The following ARMC9 variants were observed in gnomAD, a reference collection of about 807,000 sequenced individuals.
ARMC9 encodes armadillo repeat containing 9.
In ARMC9, 94 loss-of-function variants were observed where a neutral mutation model predicts 107.0. The observed-to-expected ratio is 0.88, with a 90% CI of 0.74 to 1.04. ARMC9 has a LOEUF of 1.04. ARMC9 is among the 50% of genes least tolerant of loss of function. ARMC9 has a pLI of 0.00. For missense variants in ARMC9, 942 were observed against 1,030.1 expected (o/e 0.91, Z 1.17); for synonymous variants, 380 against 396.9 (o/e 0.96, Z 0.51).
At chr2:231,312,110 T>C (rs1451921596) in intron 19 of ARMC9, among the ~76,000 whole-genome samples, 3 of 152,192 alleles carry the variant, frequency 2.0e-5, no homozygotes, top group African/African-American at 7.2e-5. Flanking sequence ...ATTCTGTGGG[T>C]TGGCTTGGCA....
chr2:231,267,284 G>A (rs888003884), intron 12 of ARMC9, among the ~76,000 whole-genome samples: 3 of 152,108 alleles, frequency 2.0e-5, no homozygotes, highest in Non-Finnish European at 2.9e-5. Flanking sequence ...AGGCTGGGGT[G>A]CAGTGGCGTG....
intron 12 of ARMC9, among the ~76,000 whole-genome samples, chr2:231,263,525 A>G (rs2038578888): frequency 6.6e-6 from 1 of 152,250 alleles, no homozygotes; most frequent in Non-Finnish European, 1.5e-5. Context: ...GCATTAATCC[A>G]TTAATGCCTA....
At chr2:231,310,215 G>T (rs1575035642) in intron 19 of ARMC9, among the ~76,000 whole-genome samples, 1 of 151,712 alleles carries the variant, frequency 6.6e-6, no homozygotes, top group African/African-American at 2.4e-5. Flanking sequence ...GGGAGTTCGC[G>T]ACCAGCCTGA....
intron 10 of ARMC9, among the ~76,000 whole-genome samples, chr2:231,257,793 AT>A (rs1209140187): frequency 6.6e-6 from 1 of 152,254 alleles, no homozygotes; most frequent in Non-Finnish European, 1.5e-5. Context: ...TTACACCAAA[AT>A]TAGGAAACTA....
At chr2:231,337,115 C>T (rs1239446048) in intron 20 of ARMC9, among the ~76,000 whole-genome samples, 1 of 151,862 alleles carries the variant, frequency 6.6e-6, no homozygotes, top group Non-Finnish European at 1.5e-5. Context: ...TATTACTTTT[C>T]GGGTTTTTTT....
intron 21 of ARMC9, among the ~76,000 whole-genome samples, chr2:231,352,616 A>G (rs1416887583): frequency 6.6e-6 from 1 of 150,920 alleles, no homozygotes; most frequent in Non-Finnish European, 1.5e-5. Context: ...GAGCCACCGC[A>G]CCCACTGCTA....
chr2:231,294,665 CTG>C (rs1022821470), intron 18 of ARMC9: 2 of 152,778 alleles, frequency 1.3e-5, no homozygotes, highest in African/African-American at 4.8e-5. Context: ...GCTGGGCTGT[CTG>C]TGGCCTTACA....
intron 19 of ARMC9, among the ~76,000 whole-genome samples, chr2:231,325,886 C>T (rs993318811): frequency 6.6e-6 from 1 of 152,140 alleles, no homozygotes; most frequent in Non-Finnish European, 1.5e-5. Context: ...AAGGTGGCTG[C>T]CCTCACCATA....
chr2:231,247,759 C>T (rs567887802), intron 9 of ARMC9, among the ~76,000 whole-genome samples: 62 of 152,192 alleles, frequency 4.1e-4, no homozygotes, highest in African/African-American at 1.2e-3. Flanking sequence ...GACAAAACCC[C>T]GTCTCTACTA....
At chr2:231,310,983 T>C (rs116372882) in intron 19 of ARMC9, among the ~76,000 whole-genome samples, 2,607 of 151,088 alleles carry the variant, frequency 0.017, 74 homozygotes, top group African/African-American at 0.061. Flanking sequence ...AAAAATTAGC[T>C]AAGTGTGCTT....
At chr2:231,218,494 A>G (rs1030274334) in intron 5 of ARMC9, among the ~76,000 whole-genome samples, 5 of 152,212 alleles carry the variant, frequency 3.3e-5, no homozygotes, top group African/African-American at 1.2e-4. Flanking sequence ...GCATAGTGGC[A>G]TAGATAAAGC....
At chr2:231,350,026 TAAA>T (rs200774556) in intron 21 of ARMC9, among the ~76,000 whole-genome samples, 6,926 of 136,866 alleles carry the variant, frequency 0.051, 520 homozygotes, top group African/African-American at 0.17. Context: ...CACAAACATC[TAAA>T]AAAAAAAAAA....
chr2:231,213,910 C>A (rs1021820724), intron 3 of ARMC9, among the ~76,000 whole-genome samples: 1 of 152,226 alleles, frequency 6.6e-6, no homozygotes, highest in African/African-American at 2.4e-5. Flanking sequence ...AATGTAAGTA[C>A]AAATATCTTG....
intron 19 of ARMC9, among the ~76,000 whole-genome samples, chr2:231,310,504 G>T (rs185278363): frequency 4.6e-5 from 7 of 151,192 alleles, no homozygotes; most frequent in African/African-American, 1.7e-4. Context: ...GCCGAGGTGG[G>T]CGGATCACCT....
At chr2:231,347,926 C>T (rs2044879137) in intron 21 of ARMC9, among the ~76,000 whole-genome samples, 1 of 152,122 alleles carries the variant, frequency 6.6e-6, no homozygotes, top group South Asian at 2.1e-4. Context: ...TGGCAACTTC[C>T]TTAAAAAATC....
intron 19 of ARMC9, among the ~76,000 whole-genome samples, chr2:231,330,612 T>G (rs2043664047): frequency 6.6e-6 from 1 of 152,200 alleles, no homozygotes; most frequent in South Asian, 2.1e-4. Flanking sequence ...CCCAGCCTTC[T>G]CTGGTATAGA....
chr2:231,228,103 C>T (rs2034830666), intron 7 of ARMC9, among the ~76,000 whole-genome samples: 1 of 152,182 alleles, frequency 6.6e-6, no homozygotes, highest in Non-Finnish European at 1.5e-5. Context: ...TAGGCCCAGG[C>T]CTGGCCACGG....
chr2:231,371,643 A>C lies in ARMC9; in HGVS notation c.*108A>C. On this transcript the variant is annotated 3_prime_UTR_variant, in exon 25 of 25. Transcript: ENST00000611582. ...ATGTGAAGGGACAGTTGTCCACAAG[A>C]CTCTGGGAGCTGAGGGGAGGCCGGC... The C allele has an allele frequency of 8.9e-7, 1 of 1,118,984 alleles. No homozygotes were observed. The allele number at this position is 1,118,984 out of a possible 1,614,324, so 69.3% of individuals were successfully genotyped here.
intron 9 of ARMC9, among the ~76,000 whole-genome samples, chr2:231,240,972 G>T (rs952277547): frequency 2.0e-5 from 3 of 152,106 alleles, no homozygotes; most frequent in African/African-American, 7.2e-5. Context: ...GGCCAAGGCG[G>T]GTGGATCACG....
Sources: allele counts gnomAD v4.1 joint callset (sites outside exome capture counted in the v4.1 genomes callset), GRCh38; gene constraint gnomAD v4.1.1; transcripts MANE v1.5; gene names NCBI Gene and HGNC (gene_info 2026-07-23, HGNC 2026-07-21).